NRXN3: variants seen among roughly 807,000 people sequenced by gnomAD.
NRXN3 encodes neurexin 3, also known as neurexin III.
A neutral mutation model predicts 137.6 loss-of-function variants in NRXN3; 32 were observed. The observed-to-expected ratio is 0.23, with a 90% CI of 0.18 to 0.31. The LOEUF is 0.31. Ranked by LOEUF, NRXN3 falls within the 10% of genes least tolerant of loss-of-function variation. NRXN3 has a pLI of 1.00. For missense variants in NRXN3, 1,574 were observed against 2,062.5 expected (o/e 0.76, Z 4.59); for synonymous variants, 798 against 784.5 (o/e 1.02, Z -0.29).
chr14:78,862,691 G>A (rs551129267), intron 10 of NRXN3, among the ~76,000 whole-genome samples: 4 of 152,204 alleles, frequency 2.6e-5, no homozygotes, highest in African/African-American at 7.2e-5. Context: ...ACTAGGGGCT[G>A]AGTATACAAA....
intron 4 of NRXN3, among the ~76,000 whole-genome samples, chr14:78,384,298 G>A (rs1028846272): frequency 5.9e-5 from 9 of 151,968 alleles, no homozygotes; most frequent in Non-Finnish European, 8.8e-5. Flanking sequence ...TTGAGCTTGG[G>A]AAAGGAAGAT....
chr14:79,565,081 G>A (rs1233351470), intron 16 of NRXN3, among the ~76,000 whole-genome samples: 2 of 151,830 alleles, frequency 1.3e-5, no homozygotes, highest in African/African-American at 2.4e-5. Context: ...AGCAGCATCA[G>A]CTGTCACATT....
intron 15 of NRXN3, among the ~76,000 whole-genome samples, chr14:79,083,969 A>G (rs910262394): frequency 1.6e-4 from 25 of 152,164 alleles, no homozygotes; most frequent in African/African-American, 6.0e-4. Flanking sequence ...CAGTGGCAGG[A>G]TCACAGCCTA....
chr14:79,276,598 A>C (rs1042927301), intron 15 of NRXN3, among the ~76,000 whole-genome samples: 4 of 152,156 alleles, frequency 2.6e-5, no homozygotes, highest in African/African-American at 9.7e-5. Flanking sequence ...TACTGCATTA[A>C]GGATTTATTT....
At position 78,584,525 on chromosome 14, in the gene NRXN3, T is replaced by A. The variant is rs183238747; in HGVS notation, c.758-60595T>A. Among the ~76,000 whole-genome samples, 29 of 152,286 alleles carry A rather than the reference T, an allele frequency of 1.9e-4. No individual in the cohort carries two copies. In the East Asian group the frequency reaches 5.0e-3, roughly 26 times the overall value. Reference sequence around the variant, plus strand: ...GGATTTGGTCATCAAACACACACCATCCCTAGTTCTTTCCCAAACAGCTCT... The same window carrying A: ...GGATTTGGTCATCAAACACACACCAACCCTAGTTCTTTCCCAAACAGCTCT... On this transcript the variant is annotated intron_variant, in intron 4 of 20. Coordinates refer to ENST00000335750, the MANE Select transcript of NRXN3 (RefSeq NM_001330195.2).
chr14:78,625,798 T>C (rs2097452224), intron 4 of NRXN3, among the ~76,000 whole-genome samples: 1 of 152,194 alleles, frequency 6.6e-6, no homozygotes, highest in Non-Finnish European at 1.5e-5. Flanking sequence ...TCTCAGTCCA[T>C]GTGTGTGTGA....
chr14:78,995,731 T>C lies in NRXN3; in HGVS notation c.3262+7590T>C, dbSNP rs146171495. On this transcript the variant is annotated intron_variant, in intron 15 of 20. Transcript: ENST00000335750. ...AACACTCATGCAAATATAGAATGAA[T>C]GTGTGTCAAATTTATTTAACTCCAT... is the stretch of plus-strand genomic sequence containing the variant. 1.7e-3 allele frequency among the ~76,000 whole-genome samples: 253 copies of C among 152,316 alleles called. 1 individual carries two copies. Among genetic ancestry groups the C allele is most frequent in the African/African-American group, 5.9e-3 (245 of 41,582 alleles).
chr14:79,837,954 G>A (rs1217254899), intron 20 of NRXN3, among the ~76,000 whole-genome samples: 1 of 152,096 alleles, frequency 6.6e-6, no homozygotes, highest in African/African-American at 2.4e-5. Flanking sequence ...ATAGATATTT[G>A]TCCTTTCAAG....
intron 17 of NRXN3, among the ~76,000 whole-genome samples, chr14:79,677,639 T>A (rs193229090): frequency 6.6e-6 from 1 of 152,130 alleles, no homozygotes; most frequent in Non-Finnish European, 1.5e-5. Context: ...ATTCTGTGAC[T>A]TTCCCCCGCT....
chr14:79,354,331 T>C (rs537740343), intron 15 of NRXN3, among the ~76,000 whole-genome samples: 47 of 152,078 alleles, frequency 3.1e-4, no homozygotes, highest in Non-Finnish European at 6.6e-4. Context: ...ATTCAGTAAA[T>C]AAAAAGAGTT....
chr14:78,619,125 A>G (rs978727491), intron 4 of NRXN3, among the ~76,000 whole-genome samples: 4 of 152,144 alleles, frequency 2.6e-5, no homozygotes, highest in Non-Finnish European at 4.4e-5. Context: ...TGCTGTTAGT[A>G]TTCTCCACAG....
intron 19 of NRXN3, among the ~76,000 whole-genome samples, chr14:79,765,342 ACT>A (rs1008853015): frequency 6.8e-4 from 104 of 152,258 alleles, no homozygotes; most frequent in African/African-American, 2.5e-3. Flanking sequence ...AATCTTGCAA[ACT>A]CTGCATAAAA....
At chr14:79,833,383 A>G (rs2099328777) in intron 20 of NRXN3, among the ~76,000 whole-genome samples, 1 of 152,220 alleles carries the variant, frequency 6.6e-6, no homozygotes, top group Admixed American at 6.6e-5. Flanking sequence ...GATAATAGTA[A>G]TGAGAATTAA....
chr14:79,030,099 C>A (rs2152485692), intron 15 of NRXN3, among the ~76,000 whole-genome samples: 1 of 134,254 alleles, frequency 7.4e-6, no homozygotes, highest in South Asian at 2.3e-4. Context: ...TCAAGCTGGT[C>A]TTGAACTCCT....
intron 10 of NRXN3, among the ~76,000 whole-genome samples, chr14:78,858,754 G>A (rs1172256187): frequency 6.6e-6 from 1 of 152,124 alleles, no homozygotes; most frequent in South Asian, 2.1e-4. Flanking sequence ...CCTTTATTCT[G>A]CTCCACATGA....
At chr14:79,188,267 G>A (rs955924632) in intron 15 of NRXN3, among the ~76,000 whole-genome samples, 2 of 152,052 alleles carry the variant, frequency 1.3e-5, no homozygotes, top group African/African-American at 4.8e-5. Flanking sequence ...ATAAGACCTA[G>A]CATTAAGAAG....
At chr14:79,199,177 A>G (rs2065572660) in intron 15 of NRXN3, among the ~76,000 whole-genome samples, 1 of 145,844 alleles carries the variant, frequency 6.9e-6, no homozygotes, top group Non-Finnish European at 1.5e-5. Context: ...AAAAAAAAAA[A>G]GCAAAACCTT....
chr14:79,011,413 C>T (rs1394872424), intron 15 of NRXN3, among the ~76,000 whole-genome samples: 1 of 119,622 alleles, frequency 8.4e-6, no homozygotes, highest in Non-Finnish European at 1.7e-5. Context: ...CACCCCATAC[C>T]TAGATGTTGG....
At chr14:79,148,730 T>C (rs1375798236) in intron 15 of NRXN3, among the ~76,000 whole-genome samples, 1 of 152,182 alleles carries the variant, frequency 6.6e-6, no homozygotes, top group Admixed American at 6.5e-5. Context: ...TAGCTTTCCT[T>C]GCAATCATCC....
Sources: allele counts gnomAD v4.1 joint callset (sites outside exome capture counted in the v4.1 genomes callset), GRCh38; gene constraint gnomAD v4.1.1; transcripts MANE v1.5; gene names NCBI Gene and HGNC (gene_info 2026-07-23, HGNC 2026-07-21).